CNTN6: variants seen among roughly 807,000 people sequenced by gnomAD.
The protein encoded by CNTN6 is contactin 6.
A neutral mutation model predicts 122.8 loss-of-function variants in CNTN6; 137 were observed. That is an observed-to-expected ratio of 1.12 (90% confidence interval 0.97 to 1.29). The LOEUF is 1.29. Among genes scored for constraint, CNTN6 ranks in the 50% most tolerant of loss-of-function variants. The probability of loss-of-function intolerance (pLI) is 0.00; values close to 1 mark genes in which losing one functional copy is unlikely to be tolerated. For synonymous variants in CNTN6, 570 were observed against 426.0 expected, an observed-to-expected ratio of 1.34 and a Z score of -4.16; for missense variants, 1,634 against 1,223.4, an observed-to-expected ratio of 1.34 and a Z score of -5.01.
chr3:1,280,160 T>G (rs1325182531), intron 5 of CNTN6, among the ~76,000 whole-genome samples: 1 of 152,214 alleles, frequency 6.6e-6, no homozygotes, highest in Non-Finnish European at 1.5e-5. Context: ...GTTTTCAACT[T>G]TGTTTAATCG....
chr3:1,385,467 C>G (rs776237249), intron 19 of CNTN6, 144 bp from the exon 20 acceptor site: 7 of 559,240 alleles, frequency 1.3e-5, no homozygotes, highest in Admixed American at 3.7e-5. Context: ...GTTGTATAAC[C>G]ATTTTAATTA....
chr3:1,292,786 C>T (rs940992360), intron 5 of CNTN6, among the ~76,000 whole-genome samples: 27 of 152,066 alleles, frequency 1.8e-4, no homozygotes, highest in Admixed American at 1.0e-3. Context: ...AATTATAATA[C>T]GACAGAAACA....
chr3:1,177,917 T>C (rs1348068337), intron 2 of CNTN6, among the ~76,000 whole-genome samples: 2 of 150,750 alleles, frequency 1.3e-5, no homozygotes, highest in Admixed American at 6.7e-5. Context: ...TTTTTTTTCT[T>C]TGAGACAGAG....
chr3:1,203,047 G>C (rs1008891280), intron 2 of CNTN6, among the ~76,000 whole-genome samples: 34 of 152,186 alleles, frequency 2.2e-4, no homozygotes, highest in African/African-American at 8.0e-4. Flanking sequence ...TTCTTGATAA[G>C]AAAGTTGACT....
At chr3:1,178,330 A>G (rs1034044710) in intron 2 of CNTN6, among the ~76,000 whole-genome samples, 15 of 152,148 alleles carry the variant, frequency 9.9e-5, no homozygotes, top group African/African-American at 3.6e-4. Flanking sequence ...GACATCTTCA[A>G]GTCTACCAAA....
chr3:1,269,322 T>C lies in CNTN6; in HGVS notation c.359-9091T>C, dbSNP rs1393969117. Among the ~76,000 whole-genome samples the C allele has an allele frequency of 2.0e-5, 3 of 152,220 alleles. No homozygotes were observed. In the East Asian group the frequency reaches 5.8e-4, roughly 29 times the overall value. ...GATCATTTTGTTCCATCACTAAGCC[T>C]TTTAAGGAATTCGTTAGTGGGTTAT... On this transcript the variant is annotated intron_variant, in intron 4 of 22. Coordinates refer to ENST00000446702, the MANE Select transcript of CNTN6 (RefSeq NM_001289080.2).
At chr3:1,354,765 A>C (rs77800552) in intron 12 of CNTN6, among the ~76,000 whole-genome samples, 2,094 of 151,586 alleles carry the variant, frequency 0.014, 56 homozygotes, top group African/African-American at 0.048. Flanking sequence ...AAAATCGGAC[A>C]GTTTTCAATT....
chr3:1,237,065 T>G (rs980926888), intron 4 of CNTN6, among the ~76,000 whole-genome samples: 1 of 150,868 alleles, frequency 6.6e-6, no homozygotes, highest in Admixed American at 6.6e-5. Context: ...TGGGCAACAG[T>G]GCGAGACTCT....
intron 14 of CNTN6, 57 bp downstream of exon 14, chr3:1,373,012 T>C: frequency 1.0e-6 from 1 of 995,074 alleles, no homozygotes; most frequent in Non-Finnish European, 1.5e-6. Context: ...ACAGTGTTCA[T>C]ATCTAAATTG....
At chr3:1,363,174 C>T (rs1159555655) in intron 12 of CNTN6, among the ~76,000 whole-genome samples, 1 of 151,884 alleles carries the variant, frequency 6.6e-6, no homozygotes, top group Admixed American at 6.6e-5. Context: ...AAAGTGGTTA[C>T]TATACTAAGC....
chr3:1,400,028 A>G (rs547849262), intron 20 of CNTN6, among the ~76,000 whole-genome samples: 2 of 152,200 alleles, frequency 1.3e-5, no homozygotes, highest in Non-Finnish European at 2.9e-5. Flanking sequence ...TATTTGAGAC[A>G]CCTGGATTCA....
chr3:1,185,390 T>C (rs1559475196), intron 2 of CNTN6, among the ~76,000 whole-genome samples: 1 of 152,208 alleles, frequency 6.6e-6, no homozygotes, highest in Non-Finnish European at 1.5e-5. Flanking sequence ...ATATTCACTT[T>C]GATACCAAGA....
At chr3:1,401,586 A>G in intron 21 of CNTN6, 41 bp downstream of exon 21, 1 of 1,382,032 alleles carries the variant, frequency 7.2e-7, no homozygotes, top group Non-Finnish European at 1.0e-6. Context: ...CAATTAAGTT[A>G]CTAAGGAATG....
At chr3:1,199,092 C>A (rs1420193154) in intron 2 of CNTN6, among the ~76,000 whole-genome samples, 1 of 152,014 alleles carries the variant, frequency 6.6e-6, no homozygotes, top group Non-Finnish European at 1.5e-5. Flanking sequence ...TCCTTCAGAG[C>A]CTCCAGAAGG....
In CNTN6 at chr3:1,368,814, TAA is replaced by T. The variant is rs139709814; in HGVS notation, c.1493-3484_1493-3483del. 3.0e-3 allele frequency among the ~76,000 whole-genome samples: 453 copies of T among 152,330 alleles called. 3 individuals carry two copies. Among genetic ancestry groups the T allele is most frequent in the African/African-American group, 0.01 (428 of 41,570 alleles). On this transcript the variant is annotated intron_variant, in intron 12 of 22. Transcript: ENST00000446702. The stretch of plus-strand genomic sequence containing the variant: ...TGAATCATACCCTAATTTTATTTTA[TAA>T]GTTATAAATTATTTTAAAGCGAAAA...
chr3:1,310,562 G>A (rs1316543882), intron 7 of CNTN6, among the ~76,000 whole-genome samples: 1 of 152,084 alleles, frequency 6.6e-6, no homozygotes, highest in East Asian at 1.9e-4. Context: ...GAAAGATACT[G>A]GTCTGCAGTT....
chr3:1,397,055 T>A (rs143360143), intron 20 of CNTN6, among the ~76,000 whole-genome samples: 27 of 151,954 alleles, frequency 1.8e-4, no homozygotes, highest in Non-Finnish European at 3.8e-4. Flanking sequence ...GTATTTTCTT[T>A]GTTTGTTTGT....
intron 7 of CNTN6, 151 bp downstream of exon 7, chr3:1,298,142 C>T: frequency 1.7e-6 from 1 of 603,678 alleles, no homozygotes; most frequent in East Asian, 2.8e-5. Context: ...TGAATTTAAA[C>T]AAACATGTCT....
chr3:1,377,347 C>G (rs992969272), intron 17 of CNTN6, among the ~76,000 whole-genome samples: 1 of 152,092 alleles, frequency 6.6e-6, no homozygotes, highest in Non-Finnish European at 1.5e-5. Context: ...TTTTCGTTAT[C>G]GCTTGATGAA....
Sources: gnomAD v4.1 joint callset for allele counts (sites outside exome capture counted in the v4.1 genomes callset) on GRCh38, gnomAD v4.1.1 for gene constraint, MANE v1.5 for transcripts, NCBI Gene and HGNC (gene_info 2026-07-23, HGNC 2026-07-21) for gene names.